The following HPS4 variants were observed in gnomAD, a reference collection of about 807,000 sequenced individuals.
HPS4 encodes the protein BLOC-3 complex member HPS4.
In HPS4, 44 loss-of-function variants were observed where a neutral mutation model predicts 70.3. The observed-to-expected ratio is 0.63, with a 90% CI of 0.49 to 0.80. HPS4 has a LOEUF of 0.80. Ranked by LOEUF, HPS4 falls within the 30% of genes least tolerant of loss-of-function variation. HPS4 has a pLI of 0.00. For missense variants in HPS4, 873 were observed against 884.4 expected (o/e 0.99, Z 0.16); for synonymous variants, 377 against 355.9 (o/e 1.06, Z -0.67).
Position 26,464,667 on chromosome 22 carries a change from G to A in HPS4, c.963C>T (p.Gly321=). 6.2e-7 allele frequency: 1 copy of A among 1,612,028 alleles called. No homozygotes were observed. Among genetic ancestry groups the A allele is most frequent in the Non-Finnish European group, 8.5e-7 (1 of 1,178,206 alleles). ...PTSPDEACPD[G]RKENGCLSGH... ...CAGACAAGCATCCGTTCTCCTTCCT[G>A]CCATCTGGACAAGCTTCGTCAGGGG... The change falls in exon 11 of 14, where the codon GGC becomes GGT. Residue 321 remains glycine (G), a synonymous_variant. Coordinates refer to ENST00000398145, the MANE Select transcript of HPS4 (RefSeq NM_022081.6).
At chr22:26,480,109 C>T (rs539777548) in intron 2 of HPS4, among the ~76,000 whole-genome samples, 28 of 152,290 alleles carry the variant, frequency 1.8e-4, no homozygotes, top group Admixed American at 7.8e-4. Context: ...AACTATATTA[C>T]GTAATGTTAT....
chr22:26,466,749 G>C, intron 8 of HPS4: 33 of 183,602 alleles, frequency 1.8e-4, no homozygotes, highest in Non-Finnish European at 3.3e-4. Flanking sequence ...GTTTGTTCTG[G>C]TTCACAATCA....
In HPS4 at chr22:26,464,065, G is replaced by C; in HGVS notation, c.1565C>G (p.Ala522Gly). 6.2e-7 allele frequency: 1 copy of C among 1,614,276 alleles called. No homozygotes were observed. The highest frequency in any genetic ancestry group is 8.5e-7 in the Non-Finnish European group (1 of 1,180,050). Reference protein sequence around the residue: ...SANCQGAGPSADGISSRLTPA... With the variant: ...SANCQGAGPSGDGISSRLTPA... Reference sequence around the variant, plus strand: ...TGTCAGCCTGGAGCTGATTCCATCTGCAGAGGGGCCAGCACCCTGACAGTT... The same window carrying C: ...TGTCAGCCTGGAGCTGATTCCATCTCCAGAGGGGCCAGCACCCTGACAGTT... Residue 522 changes from alanine to glycine, a missense_variant, in exon 11 of 14, where the codon GCA becomes GGA. Coordinates refer to ENST00000398145, the MANE Select transcript of HPS4 (RefSeq NM_022081.6).
intron 12 of HPS4, 149 bp downstream of exon 12, chr22:26,458,296 C>G (rs2146368865): frequency 1.0e-6 from 1 of 970,656 alleles, no homozygotes; most frequent in Non-Finnish European, 1.6e-6. Flanking sequence ...CTCAGTGGGA[C>G]TGGGCTCCCG....
chr22:26,461,307 T>C (rs888147444), intron 11 of HPS4, among the ~76,000 whole-genome samples: 2 of 152,236 alleles, frequency 1.3e-5, no homozygotes, highest in Non-Finnish European at 2.9e-5. Context: ...TGTCCTATTG[T>C]AGTGATAAAT....
Position 26,453,112 on chromosome 22 carries a change from C to A in HPS4, c.*121G>T. On this transcript the variant is annotated 3_prime_UTR_variant, in exon 14 of 14. Coordinates refer to ENST00000398145, the MANE Select transcript of HPS4 (RefSeq NM_022081.6). ...AAAGGAATAACAAAAACTCAAATATCATTTGGTTCCTAAAAAAGGGAATGT... is the reference window on the plus strand; with the variant it reads ...AAAGGAATAACAAAAACTCAAATATAATTTGGTTCCTAAAAAAGGGAATGT... 9.2e-7 allele frequency: 1 copy of A among 1,084,048 alleles called. No individual in the cohort carries two copies. The highest frequency in any genetic ancestry group is 1.4e-6 in the Non-Finnish European group (1 of 731,758). 67.2% of individuals were successfully genotyped at this position (1,084,048 alleles called of 1,614,324 possible). A position where few individuals can be genotyped will look rare whatever the true frequency, so the allele number is the denominator to read the frequency against.
In HPS4 at chr22:26,457,936, A is replaced by G. The variant is rs1405565769; in HGVS notation, c.1878T>C (p.Asp626=). ...ANLPQVATPQ[D]RRFLQAVSLM... ...GGCTGACGGCCTGGAGGAAGCGGCGATCCTGCGGGGTGGCCACCTGCGGCA... is the reference window on the plus strand; with the variant it reads ...GGCTGACGGCCTGGAGGAAGCGGCGGTCCTGCGGGGTGGCCACCTGCGGCA... The change falls in exon 13 of 14, where the codon GAT becomes GAC. Residue 626 remains aspartate, a synonymous_variant. Coordinates refer to ENST00000398145, the MANE Select transcript of HPS4 (RefSeq NM_022081.6). 6.2e-7 allele frequency: 1 copy of G among 1,614,116 alleles called. No individual in the cohort carries two copies. The highest frequency in any genetic ancestry group is 1.1e-5 in the South Asian group (1 of 91,090).
chr22:26,470,098 C>A (rs566715547), intron 7 of HPS4, among the ~76,000 whole-genome samples: 1 of 152,264 alleles, frequency 6.6e-6, no homozygotes, highest in African/African-American at 2.4e-5. Context: ...CCGGGCACAG[C>A]GCAATGGCCC....
At chr22:26,468,768 G>A in intron 7 of HPS4, 145 bp from the exon 8 acceptor site, 2 of 728,110 alleles carry the variant, frequency 2.7e-6, no homozygotes, top group Admixed American at 4.1e-5. Flanking sequence ...CCCTTACAGA[G>A]GGCACTCTGG....
chr22:26,466,015 A>T lies in HPS4; in HGVS notation c.706+211T>A, dbSNP rs1412423155. On this transcript the variant is annotated intron_variant, in intron 9 of 13. Coordinates refer to ENST00000398145, the MANE Select transcript of HPS4 (RefSeq NM_022081.6). ...ATGAAGTTAAGGAGGGTCTGAAAGC[A>T]GGGATTTGACAGCATGCCTAAAATC... is the stretch of plus-strand genomic sequence containing the variant. The T allele has an allele frequency of 3.3e-6, 5 of 1,493,528 alleles. 1 individual carries two copies. The South Asian group carries it at 6.1e-5, about 18-fold the overall frequency. The allele number at this position is 1,493,528 out of a possible 1,614,324, so 92.5% of individuals were successfully genotyped here.
Position 26,464,486 on chromosome 22 carries a change from T to C in HPS4, c.1144A>G (p.Met382Val). ...AGGAAGGCAAAATGACCTGAGGCCATTTCCACTTCCTGAGCCTCTGGAATG... is the reference window on the plus strand; with the variant it reads ...AGGAAGGCAAAATGACCTGAGGCCACTTCCACTTCCTGAGCCTCTGGAATG... The part of the protein sequence containing the change: ...IHIPEAQEVE[M>V]ASGHFAFLHV... Residue 382 changes from methionine to valine, a missense_variant, in exon 11 of 14, where the codon ATG (methionine) becomes GTG (valine). By Grantham distance (21) the Met-to-Val change is conservative (BLOSUM62 1). Transcript: ENST00000398145. The C allele has an allele frequency of 6.2e-7, 1 of 1,614,188 alleles. No homozygotes were observed. The highest frequency in any genetic ancestry group is 8.5e-7 in the Non-Finnish European group (1 of 1,180,038).
Position 26,452,751 on chromosome 22 carries a change from G to A in HPS4, c.*482C>T. ...AAGAGCGCACTGGAGAAACCTACCTGCGGCGTGGGAGTGGAGTCGGCCTGC... is the reference window on the plus strand; with the variant it reads ...AAGAGCGCACTGGAGAAACCTACCTACGGCGTGGGAGTGGAGTCGGCCTGC... On this transcript the variant is annotated 3_prime_UTR_variant, in exon 14 of 14. Coordinates refer to ENST00000398145, the MANE Select transcript of HPS4 (RefSeq NM_022081.6). 1 of 245,842 alleles carries A rather than the reference G, an allele frequency of 4.1e-6. No individual in the cohort carries two copies. Among genetic ancestry groups the A allele is most frequent in the South Asian group, 4.9e-5 (1 of 20,362 alleles). The allele number at this position is 245,842 out of a possible 1,614,324, so 15.2% of individuals were successfully genotyped here. A position where few individuals can be genotyped will look rare whatever the true frequency, so the allele number is the denominator to read the frequency against.
Position 26,464,363 on chromosome 22 carries a change from T to C in HPS4, c.1267A>G (p.Ser423Gly), listed in dbSNP as rs746418898. The C allele has an allele frequency of 6.2e-7, 1 of 1,614,182 alleles. No homozygotes were observed. Among genetic ancestry groups the C allele is most frequent in the Non-Finnish European group, 8.5e-7 (1 of 1,180,030 alleles). Residue 423 changes from serine (S) to glycine (G), a missense_variant, in exon 11 of 14, where the codon AGC (serine) becomes GGC (glycine). Physicochemically the swap from Ser to Gly is moderately conservative, Grantham distance 56 (BLOSUM62 0). Transcript: ENST00000398145. ...EPTPPEDTAI[S>G]SLRPPSAPEM... Reference sequence around the variant, plus strand: ...GGAGCAGAGGGAGGGCGCAAGCTGCTGATGGCTGTGTCCTCAGGAGGCGTG... The same window carrying C: ...GGAGCAGAGGGAGGGCGCAAGCTGCCGATGGCTGTGTCCTCAGGAGGCGTG...
At chr22:26,448,128 C>T (rs1327099538), downstream of HPS4, among the ~76,000 whole-genome samples, 2 of 152,202 alleles carry the variant, frequency 1.3e-5, no homozygotes, top group Non-Finnish European at 2.9e-5. Flanking sequence ...GGACACACAT[C>T]CAGGACTCAC....
chr22:26,453,674 T>C (rs2085582018), intron 13 of HPS4: 1 of 506,020 alleles, frequency 2.0e-6, no homozygotes, highest in Non-Finnish European at 3.6e-6. Context: ...GAGTTATAAG[T>C]ATTGCATAAA....
At chr22:26,447,631 C>A (rs893043022), downstream of HPS4, among the ~76,000 whole-genome samples, 1 of 152,076 alleles carries the variant, frequency 6.6e-6, no homozygotes, top group African/African-American at 2.4e-5. Flanking sequence ...TGCCAGCAAC[C>A]TTCCATAACA....
chr22:26,460,497 T>C (rs1015666816), intron 11 of HPS4, among the ~76,000 whole-genome samples: 1 of 152,246 alleles, frequency 6.6e-6, no homozygotes, highest in South Asian at 2.1e-4. Flanking sequence ...ATCCCTTCCA[T>C]GCTGAGCTGG....
intron 13 of HPS4, chr22:26,453,894 T>G: frequency 9.5e-6 from 2 of 210,004 alleles, no homozygotes; most frequent in African/African-American, 2.3e-5. Context: ...TCTAGTCTGC[T>G]CTCCACACTG....
intron 7 of HPS4, among the ~76,000 whole-genome samples, chr22:26,470,267 G>A (rs2089565858): frequency 6.6e-6 from 1 of 152,248 alleles, no homozygotes; most frequent in East Asian, 1.9e-4. Context: ...GCCCAGCCAA[G>A]AGGCTTGAAG....
Sources: allele counts gnomAD v4.1 joint callset (sites outside exome capture counted in the v4.1 genomes callset), GRCh38; gene constraint gnomAD v4.1.1; transcripts MANE v1.5; gene names NCBI Gene and HGNC (gene_info 2026-07-23, HGNC 2026-07-21).